Variants in AVEN observed in about 807,000 individuals in gnomAD.
AVEN encodes the protein apoptosis and caspase activation inhibitor, also known as cell death regulator Aven.
Under a neutral mutation model 38.1 loss-of-function variants are expected in AVEN, and 41 were observed. The ratio of observed to expected loss-of-function variants is 1.08; its 90% CI spans 0.84 to 1.40. The LOEUF (loss-of-function observed/expected upper bound fraction) is 1.40, where lower values mean the gene tolerates loss of function less well. Ranked by LOEUF, AVEN falls within the 40% of genes most tolerant of loss-of-function variation. The pLI is 0.00. For synonymous variants in AVEN, 206 were observed against 171.8 expected, an observed-to-expected ratio of 1.20 and a Z score of -1.56; for missense variants, 605 against 438.8, an observed-to-expected ratio of 1.38 and a Z score of -3.38.
At chr15:33,857,009 C>G (rs1198558076), downstream of AVEN, among the ~76,000 whole-genome samples, 1 of 152,152 alleles carries the variant, frequency 6.6e-6, no homozygotes. Flanking sequence ...TGTGAAGCCT[C>G]AGGTAACAGC....
At chr15:34,067,081 C>T (rs1187490207) in intron 2 of AVEN, 1 of 152,174 alleles carries the variant, frequency 6.6e-6, no homozygotes, top group Non-Finnish European at 1.5e-5. Context: ...CCCAGTCTTC[C>T]AGGCTTTGTC....
chr15:34,025,647 A>G (rs1019642284), intron 1 of AVEN, among the ~76,000 whole-genome samples: 3 of 152,226 alleles, frequency 2.0e-5, no homozygotes, highest in Non-Finnish European at 4.4e-5. Context: ...CCTTGCTTTT[A>G]GGAAATACAC....
intron 1 of AVEN, among the ~76,000 whole-genome samples, chr15:34,012,504 T>C (rs1262638148): frequency 6.6e-6 from 1 of 152,228 alleles, no homozygotes; most frequent in Non-Finnish European, 1.5e-5. Context: ...CATCTGCCTC[T>C]CTGTTCCATT....
chr15:33,962,250 A>G (rs1322092422), intron 2 of AVEN, among the ~76,000 whole-genome samples: 1 of 152,236 alleles, frequency 6.6e-6, no homozygotes, highest in Non-Finnish European at 1.5e-5. Flanking sequence ...TGTCAATTGT[A>G]AAGTATTCCT....
intron 2 of AVEN, among the ~76,000 whole-genome samples, chr15:33,966,181 G>A (rs1001924572): frequency 2.0e-5 from 3 of 152,076 alleles, no homozygotes; most frequent in African/African-American, 7.2e-5. Flanking sequence ...TTCTCCAGCA[G>A]AACCTGCATA....
downstream of AVEN, chr15:33,865,364 GTGCTATTTTGAAA>G (rs1890153780): frequency 1.5e-6 from 1 of 647,280 alleles, no homozygotes; most frequent in Non-Finnish European, 2.6e-6. Flanking sequence ...CTGAAAATCT[GTGCTATTTTGAAA>G]TTGATTTGGC....
chr15:34,048,200 G>A (rs1529951), intron 5 of AVEN, among the ~76,000 whole-genome samples: 20,341 of 152,290 alleles, frequency 0.13, 2,332 homozygotes, highest in East Asian at 0.34. Flanking sequence ...AGCAGGACCC[G>A]GATCCATTCC....
At chr15:33,926,707 C>A (rs1893618653) in intron 2 of AVEN, among the ~76,000 whole-genome samples, 1 of 152,160 alleles carries the variant, frequency 6.6e-6, no homozygotes, top group African/African-American at 2.4e-5. Context: ...GTCACCCAGG[C>A]TGGAGTGCAC....
chr15:33,941,326 TG>T (rs1437802116), intron 2 of AVEN, among the ~76,000 whole-genome samples: 2 of 152,168 alleles, frequency 1.3e-5, no homozygotes, highest in Non-Finnish European at 2.9e-5. Context: ...CTTCTGACAC[TG>T]TACCATTCAA....
intron 2 of AVEN, among the ~76,000 whole-genome samples, chr15:33,896,807 C>G (rs1892251005): frequency 6.6e-6 from 1 of 152,138 alleles, no homozygotes; most frequent in Non-Finnish European, 1.5e-5. Flanking sequence ...CCTCTGTACT[C>G]CTATATAATA....
chr15:33,979,799 G>C (rs1896055901), intron 2 of AVEN, among the ~76,000 whole-genome samples: 1 of 152,160 alleles, frequency 6.6e-6, no homozygotes, highest in Non-Finnish European at 1.5e-5. Flanking sequence ...AAACACTAAG[G>C]AGCTCCAGTG....
chr15:33,859,648 G>A, intron 11 of AVEN: 1 of 1,613,988 alleles, frequency 6.2e-7, no homozygotes, highest in Non-Finnish European at 8.5e-7. Context: ...GACCCTGCTG[G>A]TGATCCTTAT....
At position 33,995,203 on chromosome 15, in the gene AVEN, G is replaced by A. The variant is rs1286756872; in HGVS notation, c.445+7829C>T. Among the ~76,000 whole-genome samples, 3 of 152,150 alleles carry A rather than the reference G, an allele frequency of 2.0e-5. No homozygotes were observed. The East Asian group carries it at 5.8e-4, about 29-fold the overall frequency. ...TGCTTGAGCCCAGGAGGTCAAGGCT[G>A]CAGTGAGCTATGATCATGCCACTGC... is the stretch of plus-strand genomic sequence containing the variant. On this transcript the variant is annotated intron_variant, in intron 2 of 5. Coordinates refer to ENST00000306730, the MANE Select transcript of AVEN (RefSeq NM_020371.3).
downstream of AVEN, among the ~76,000 whole-genome samples, chr15:33,863,038 T>A (rs11072758): frequency 0.85 from 129,158 of 152,270 alleles, 54,904 homozygotes; most frequent in East Asian, 0.99. Context: ...GCCACGTGTC[T>A]GTACCCATGG....
chr15:33,888,070 G>A lies in AVEN; in HGVS notation c.446-12075C>T, dbSNP rs542204715. ...TTAAGGAGAAAAAAGTAACCCCTCC[G>A]TGACAGCAACAAAACCTTAAGAATG... On this transcript the variant is annotated intron_variant, in intron 2 of 5. Coordinates refer to ENST00000306730, the MANE Select transcript of AVEN (RefSeq NM_020371.3). Among the ~76,000 whole-genome samples the A allele has an allele frequency of 1.6e-3, 244 of 151,996 alleles. 1 individual carries two copies. The highest frequency in any genetic ancestry group is 0.014 in the Middle Eastern group (4 of 294).
intron 2 of AVEN, among the ~76,000 whole-genome samples, chr15:33,981,762 T>C (rs1896154951): frequency 6.6e-6 from 1 of 152,190 alleles, no homozygotes; most frequent in African/African-American, 2.4e-5. Flanking sequence ...ATACTAACAC[T>C]GAAGGGCTAT....
intron 2 of AVEN, among the ~76,000 whole-genome samples, chr15:33,986,615 C>T (rs1896481631): frequency 6.6e-6 from 1 of 152,048 alleles, no homozygotes; most frequent in African/African-American, 2.4e-5. Flanking sequence ...GTGCAATACA[C>T]AGGATATAAT....
In AVEN at chr15:33,923,295, C is replaced by T. The variant is rs185303737; in HGVS notation, c.446-47300G>A. The stretch of plus-strand genomic sequence containing the variant: ...GTAATTGTGTATTCTATCCTTGAAA[C>T]ATATGTTTAACTCCTATAATTTTAA... On this transcript the variant is annotated intron_variant, in intron 2 of 5. Coordinates refer to ENST00000306730, the MANE Select transcript of AVEN (RefSeq NM_020371.3). Among the ~76,000 whole-genome samples, 4 of 152,300 alleles carry T rather than the reference C, an allele frequency of 2.6e-5. No individual in the cohort carries two copies. In the East Asian group the frequency reaches 7.7e-4, roughly 29 times the overall value.
At chr15:33,915,964 A>G (rs946025773) in intron 2 of AVEN, among the ~76,000 whole-genome samples, 4 of 152,058 alleles carry the variant, frequency 2.6e-5, no homozygotes, top group African/African-American at 9.7e-5. Flanking sequence ...TCTCCTGGGA[A>G]CATAACTCCA....
Sources: allele counts gnomAD v4.1 joint callset (sites outside exome capture counted in the v4.1 genomes callset), GRCh38; gene constraint gnomAD v4.1.1; transcripts MANE v1.5; gene names NCBI Gene and HGNC (gene_info 2026-07-23, HGNC 2026-07-21).